The following CSTF3 variants were observed in gnomAD, a reference collection of about 807,000 sequenced individuals.
CSTF3 encodes the protein cleavage stimulation factor subunit 3.
CSTF3 carries 29 observed loss-of-function variants against 105.8 expected under a neutral mutation model. The ratio of observed to expected loss-of-function variants is 0.27; its 90% CI spans 0.20 to 0.37. The LOEUF (loss-of-function observed/expected upper bound fraction) is 0.37, where lower values mean the gene tolerates loss of function less well. Among genes scored for constraint, CSTF3 ranks in the 10% least tolerant of loss-of-function variants. The probability of loss-of-function intolerance (pLI) is 1.00; values close to 1 mark genes in which losing one functional copy is unlikely to be tolerated. For synonymous variants in CSTF3, 252 were observed against 281.9 expected, an observed-to-expected ratio of 0.89 and a Z score of 1.06; for missense variants, 357 against 879.3, an observed-to-expected ratio of 0.41 and a Z score of 7.51.
chr11:33,139,984 AC>A (rs1223697700), intron 3 of CSTF3, among the ~76,000 whole-genome samples: 2 of 152,078 alleles, frequency 1.3e-5, no homozygotes, highest in African/African-American at 2.4e-5. Context: ...GGAGTATCTA[AC>A]TGCCTATTTC....
chr11:33,132,921 A>G (rs1228153510), intron 3 of CSTF3, among the ~76,000 whole-genome samples: 1 of 152,034 alleles, frequency 6.6e-6, no homozygotes, highest in Non-Finnish European at 1.5e-5. Context: ...TCCATTTCCT[A>G]TATCATACAG....
intron 17 of CSTF3, among the ~76,000 whole-genome samples, chr11:33,087,568 T>G (rs564278025): frequency 6.6e-6 from 1 of 152,370 alleles, no homozygotes; most frequent in South Asian, 2.1e-4. Context: ...CTTCCTGTTT[T>G]GTGAAGGCAT....
intron 10 of CSTF3, among the ~76,000 whole-genome samples, chr11:33,101,238 C>G (rs1287244259): frequency 1.3e-5 from 2 of 152,144 alleles, no homozygotes; most frequent in African/African-American, 4.8e-5. Flanking sequence ...GAGACATCCC[C>G]AAAAGGAGAA....
chr11:33,108,822 C>CAT (rs921731676), intron 3 of CSTF3, among the ~76,000 whole-genome samples: 4 of 152,150 alleles, frequency 2.6e-5, no homozygotes, highest in African/African-American at 9.7e-5. Context: ...ATTTGGACTA[C>CAT]ATATAAACAT....
chr11:33,111,468 T>C (rs1855378510), intron 3 of CSTF3, among the ~76,000 whole-genome samples: 1 of 152,008 alleles, frequency 6.6e-6, no homozygotes, highest in African/African-American at 2.4e-5. Context: ...AATCTATCTT[T>C]ATAAAATAAA....
chr11:33,128,609 T>C (rs1855568144), intron 3 of CSTF3, among the ~76,000 whole-genome samples: 1 of 152,162 alleles, frequency 6.6e-6, no homozygotes, highest in African/African-American at 2.4e-5. Flanking sequence ...TTAGTTACAA[T>C]TCTAGATGAG....
chr11:33,159,595 CAAAAAAAAAA>C (rs71034656), intron 1 of CSTF3, among the ~76,000 whole-genome samples: 7 of 37,952 alleles, frequency 1.8e-4, no homozygotes, highest in East Asian at 1.3e-3. Context: ...GGCTCCATCT[CAAAAAAAAAA>C]AAAAAAAAAA....
At chr11:33,144,036 C>T (rs1006460804) in intron 1 of CSTF3, among the ~76,000 whole-genome samples, 3 of 152,040 alleles carry the variant, frequency 2.0e-5, no homozygotes, top group Non-Finnish European at 4.4e-5. Context: ...TTTTCTAGGA[C>T]ATCCTGACAT....
At chr11:33,109,343 T>C (rs895572268) in intron 3 of CSTF3, among the ~76,000 whole-genome samples, 2 of 152,158 alleles carry the variant, frequency 1.3e-5, no homozygotes, top group African/African-American at 4.8e-5. Context: ...AGTAATAGAG[T>C]AGTATTCCCA....
intron 3 of CSTF3, among the ~76,000 whole-genome samples, chr11:33,118,296 A>G (rs1454858908): frequency 6.6e-6 from 1 of 151,902 alleles, no homozygotes; most frequent in Non-Finnish European, 1.5e-5. Flanking sequence ...TCAGTCAAGA[A>G]TCTCAAAGGT....
At chr11:33,145,836 T>C (rs1228971630) in intron 1 of CSTF3, among the ~76,000 whole-genome samples, 1 of 151,904 alleles carries the variant, frequency 6.6e-6, no homozygotes, top group East Asian at 1.9e-4. Context: ...AAAAAAGAAA[T>C]GCAAATATAA....
intron 3 of CSTF3, among the ~76,000 whole-genome samples, chr11:33,118,791 C>A (rs575359213): frequency 6.6e-6 from 1 of 151,504 alleles, no homozygotes; most frequent in Non-Finnish European, 1.5e-5. Flanking sequence ...TACTGCACAG[C>A]CAGAATGGTA....
At position 33,085,819 on chromosome 11, in the gene CSTF3, TAAAGTA is replaced by T. The variant is rs1565000096; in HGVS notation, c.1891-52_1891-47del. 1.9e-6 allele frequency: 3 copies of T among 1,596,602 alleles called. No individual in the cohort carries two copies. The Admixed American group carries it at 5.0e-5, about 27-fold the overall frequency. On this transcript the variant is annotated intron_variant, in intron 19 of 20. Coordinates refer to ENST00000323959, the MANE Select transcript of CSTF3 (RefSeq NM_001326.3). Reference sequence around the variant, plus strand: ...TTTTAATCCCAGTAATCTGACAAGTTAAAGTAGTAGTAACTTTATACACAATTACTA... The same window carrying T: ...TTTTAATCCCAGTAATCTGACAAGTTGTAGTAACTTTATACACAATTACTA...
At chr11:33,113,429 T>C (rs1855400369) in intron 3 of CSTF3, among the ~76,000 whole-genome samples, 1 of 151,922 alleles carries the variant, frequency 6.6e-6, no homozygotes, top group Non-Finnish European at 1.5e-5. Context: ...GGTGGGAGGA[T>C]TGCTTGAGCC....
rs1439498815 is a variant in CSTF3, at chr11:33,121,166, A to G, written c.226-12748T>C. 2.0e-5 allele frequency among the ~76,000 whole-genome samples: 3 copies of G among 152,104 alleles called. No individual in the cohort carries two copies. In the East Asian group the frequency reaches 5.8e-4, roughly 29 times the overall value. On this transcript the variant is annotated intron_variant, in intron 3 of 20. Coordinates refer to ENST00000323959, the MANE Select transcript of CSTF3 (RefSeq NM_001326.3). ...GGAAATTAGGAACTTTGGAGGTTTG[A>G]AAAGTAGACATAGCTAACCAATTAA...
At position 33,086,287 on chromosome 11, in the gene CSTF3, T is replaced by G. The variant is rs148702976; in HGVS notation, c.1796-298A>C. 1.1e-3 allele frequency among the ~76,000 whole-genome samples: 171 copies of G among 152,298 alleles called. 1 individual carries two copies. The highest frequency in any genetic ancestry group is 4.0e-3 in the African/African-American group (165 of 41,560). On this transcript the variant is annotated intron_variant, in intron 18 of 20. Coordinates refer to ENST00000323959, the MANE Select transcript of CSTF3 (RefSeq NM_001326.3). ...CAAGTCATTTGTTTAGCAATCCTGT[T>G]TCAAGTCAATTATTCAACAGTGTAT...
intron 8 of CSTF3, 90 bp from the exon 9 acceptor site, chr11:33,103,274 T>A (rs1180005259): frequency 5.3e-6 from 3 of 567,240 alleles, no homozygotes; most frequent in African/African-American, 2.0e-5. Context: ...TAAATAACTT[T>A]AAATTTTTAT....
intron 1 of CSTF3, among the ~76,000 whole-genome samples, chr11:33,154,639 G>C (rs780244285): frequency 2.6e-5 from 4 of 151,710 alleles, no homozygotes; most frequent in Non-Finnish European, 5.9e-5. Flanking sequence ...TGGGATTACA[G>C]GTATGCACCA....
chr11:33,139,665 A>C (rs1855689149), intron 3 of CSTF3, among the ~76,000 whole-genome samples: 2 of 151,936 alleles, frequency 1.3e-5, no homozygotes, highest in Non-Finnish European at 2.9e-5. Flanking sequence ...TCCTAAACCA[A>C]AAATATAAAT....
Sources: allele counts gnomAD v4.1 joint callset (sites outside exome capture counted in the v4.1 genomes callset), GRCh38; gene constraint gnomAD v4.1.1; transcripts MANE v1.5; gene names NCBI Gene and HGNC (gene_info 2026-07-23, HGNC 2026-07-21).